ARHGAP44: variants seen among roughly 807,000 people sequenced by gnomAD.
ARHGAP44 encodes the protein rho GTPase-activating protein 44.
ARHGAP44 carries 43 observed loss-of-function variants against 106.8 expected under a neutral mutation model. The observed-to-expected ratio is 0.40, with a 90% CI of 0.32 to 0.52. ARHGAP44 has a LOEUF of 0.52. ARHGAP44 is among the 20% of genes least tolerant of loss of function. The pLI is 0.48. For synonymous variants in ARHGAP44, 439 were observed against 410.3 expected, an observed-to-expected ratio of 1.07 and a Z score of -0.85; for missense variants, 866 against 1,050.5, an observed-to-expected ratio of 0.82 and a Z score of 2.43.
chr17:12,945,196 G>T (rs1390181786), intron 10 of ARHGAP44, among the ~76,000 whole-genome samples: 1 of 151,922 alleles, frequency 6.6e-6, no homozygotes. Flanking sequence ...TTTTAGTAGA[G>T]ACGAGGTTTC....
chr17:12,843,271 C>T (rs1040884848), intron 1 of ARHGAP44, among the ~76,000 whole-genome samples: 1 of 152,164 alleles, frequency 6.6e-6, no homozygotes, highest in African/African-American at 2.4e-5. Flanking sequence ...CCCCACCTCC[C>T]CATCTCAGGA....
chr17:12,844,036 T>C (rs1383178389), intron 1 of ARHGAP44, among the ~76,000 whole-genome samples: 1 of 152,054 alleles, frequency 6.6e-6, no homozygotes, highest in Non-Finnish European at 1.5e-5. Context: ...CAGCTGAAAA[T>C]TTCTGTTTAG....
At chr17:12,870,048 CTTT>C (rs3074688) in intron 1 of ARHGAP44, among the ~76,000 whole-genome samples, 1 of 113,094 alleles carries the variant, frequency 8.8e-6, no homozygotes, top group Non-Finnish European at 1.7e-5. Context: ...CAAATACCGT[CTTT>C]TTTTTTTTTT....
chr17:12,837,721 G>C (rs966035869), intron 1 of ARHGAP44, among the ~76,000 whole-genome samples: 1 of 152,088 alleles, frequency 6.6e-6, no homozygotes, highest in Non-Finnish European at 1.5e-5. Flanking sequence ...ACATGGAGAA[G>C]TGTGGGAGGT....
chr17:12,854,198 G>T (rs1181080073), intron 1 of ARHGAP44, among the ~76,000 whole-genome samples: 1 of 152,178 alleles, frequency 6.6e-6, no homozygotes, highest in African/African-American at 2.4e-5. Flanking sequence ...GAAGAAAACT[G>T]CAGTTTCAAA....
intron 18 of ARHGAP44, 88 bp downstream of exon 18, chr17:12,974,398 G>A (rs778166524): frequency 1.7e-4 from 198 of 1,153,082 alleles, no homozygotes; most frequent in Middle Eastern, 1.5e-3. Flanking sequence ...CTTGGATTTC[G>A]TCGTTTCCCA....
intron 1 of ARHGAP44, among the ~76,000 whole-genome samples, chr17:12,842,556 G>C (rs1285415128): frequency 2.6e-5 from 4 of 152,142 alleles, no homozygotes; most frequent in Non-Finnish European, 5.9e-5. Context: ...ACCACCTGGA[G>C]GACTCCACCC....
At chr17:12,906,758 G>A (rs2037561927) in intron 3 of ARHGAP44, among the ~76,000 whole-genome samples, 1 of 152,120 alleles carries the variant, frequency 6.6e-6, no homozygotes, top group African/African-American at 2.4e-5. Context: ...AACATAGTGA[G>A]ACACCATCTC....
chr17:12,888,641 C>G (rs980228216), intron 1 of ARHGAP44, among the ~76,000 whole-genome samples: 1 of 152,068 alleles, frequency 6.6e-6, no homozygotes, highest in African/African-American at 2.4e-5. Context: ...TATATTGTTG[C>G]TGATTTTTAA....
At chr17:12,856,788 TGAA>T (rs2035923294) in intron 1 of ARHGAP44, among the ~76,000 whole-genome samples, 1 of 152,150 alleles carries the variant, frequency 6.6e-6, no homozygotes, top group Non-Finnish European at 1.5e-5. Flanking sequence ...GAAAGTTAAA[TGAA>T]TGTCGAGCTT....
chr17:12,896,705 A>G (rs2037217233), intron 3 of ARHGAP44, among the ~76,000 whole-genome samples, 194 bp downstream of exon 3: 1 of 152,186 alleles, frequency 6.6e-6, no homozygotes, highest in Admixed American at 6.5e-5. Flanking sequence ...TCTTTAGCCC[A>G]GCCTGAAGCA....
chr17:12,897,528 G>GA (rs983418536), intron 3 of ARHGAP44, among the ~76,000 whole-genome samples: 31 of 150,346 alleles, frequency 2.1e-4, no homozygotes, highest in African/African-American at 7.4e-4. Flanking sequence ...TCACAGCTCT[G>GA]AAAAATATCT....
chr17:12,910,856 A>G (rs1247297401), intron 4 of ARHGAP44, among the ~76,000 whole-genome samples: 1 of 152,160 alleles, frequency 6.6e-6, no homozygotes, highest in Non-Finnish European at 1.5e-5. Context: ...AAAGGAGGAT[A>G]AAGGTATTAC....
rs11408193 is a variant in ARHGAP44, at chr17:12,891,798, GT to G, written c.54-3128del. Reference sequence around the variant, plus strand: ...GTTTCCTTCTTTTATCATTTTTGGGGTTTTTTTTTTTTTTAGATGGAGTCTC... The same window carrying G: ...GTTTCCTTCTTTTATCATTTTTGGGGTTTTTTTTTTTTTAGATGGAGTCTC... On this transcript the variant is annotated intron_variant, in intron 1 of 20. Coordinates refer to ENST00000379672, the MANE Select transcript of ARHGAP44 (RefSeq NM_014859.6). 4.0e-3 allele frequency among the ~76,000 whole-genome samples: 573 copies of G among 142,584 alleles called. 6 individuals carry two copies. The highest frequency in any genetic ancestry group is 0.011 in the African/African-American group (434 of 38,612). The allele number at this position is 142,584 out of a possible 152,430, so 93.5% of individuals were successfully genotyped here.
chr17:12,988,787 T>TAAGC (rs1276311243), intron 20 of ARHGAP44: 1 of 151,992 alleles, frequency 6.6e-6, no homozygotes, highest in Admixed American at 6.6e-5. Flanking sequence ...GGCCAGAAAC[T>TAAGC]AAGCAGGCAG....
chr17:12,827,946 G>A (rs1433046984), intron 1 of ARHGAP44, among the ~76,000 whole-genome samples: 2 of 150,416 alleles, frequency 1.3e-5, no homozygotes, highest in African/African-American at 4.9e-5. Context: ...GGCTGAGGCA[G>A]GAGAATCACT....
rs529305620 is a variant in ARHGAP44, at chr17:12,907,723, G to A, written c.199-1174G>A. 1.2e-4 allele frequency among the ~76,000 whole-genome samples: 19 copies of A among 152,176 alleles called. No individual in the cohort carries two copies. The South Asian group carries it at 3.9e-3, about 32-fold the overall frequency. ...TTTGTCTGTCCATTTATTCATTGGT[G>A]GACATTTGAGTTGTTCCCACCTTTT... On this transcript the variant is annotated intron_variant, in intron 3 of 20. Coordinates refer to ENST00000379672, the MANE Select transcript of ARHGAP44 (RefSeq NM_014859.6).
At chr17:12,858,261 T>C (rs1284524940) in intron 1 of ARHGAP44, among the ~76,000 whole-genome samples, 2 of 152,166 alleles carry the variant, frequency 1.3e-5, no homozygotes, top group Non-Finnish European at 2.9e-5. Flanking sequence ...CTCCTTCCCT[T>C]TCTTTACCTA....
intron 18 of ARHGAP44, among the ~76,000 whole-genome samples, chr17:12,978,372 T>C (rs986513247): frequency 3.3e-5 from 4 of 121,550 alleles, no homozygotes; most frequent in African/African-American, 1.2e-4. Flanking sequence ...GAATTACTGC[T>C]CTTTTGGTTC....
Sources: allele counts gnomAD v4.1 joint callset (sites outside exome capture counted in the v4.1 genomes callset), GRCh38; gene constraint gnomAD v4.1.1; transcripts MANE v1.5; gene names NCBI Gene and HGNC (gene_info 2026-07-23, HGNC 2026-07-21).